The following NTM variants were observed in gnomAD, a reference collection of about 807,000 sequenced individuals.
NTM encodes neurotrimin, also known as IgLON family member 2.
NTM carries 13 observed loss-of-function variants against 42.1 expected under a neutral mutation model. The ratio of observed to expected loss-of-function variants is 0.31; its 90% CI spans 0.20 to 0.49. NTM has a LOEUF of 0.49. Ranked by LOEUF, NTM falls within the 20% of genes least tolerant of loss-of-function variation. The probability of loss-of-function intolerance (pLI) is 0.99; values close to 1 mark genes in which losing one functional copy is unlikely to be tolerated. For missense variants in NTM, 373 were observed against 452.8 expected (o/e 0.82, Z 1.60); for synonymous variants, 187 against 179.2 (o/e 1.04, Z -0.35).
intron 1 of NTM, among the ~76,000 whole-genome samples, chr11:131,600,471 C>T (rs762544225): frequency 2.3e-4 from 35 of 152,282 alleles, no homozygotes; most frequent in South Asian, 4.1e-4. Context: ...TTCCATTTAG[C>T]AGCAATGGGC....
At chr11:131,454,909 G>A (rs1343733007) in intron 1 of NTM, among the ~76,000 whole-genome samples, 1 of 152,096 alleles carries the variant, frequency 6.6e-6, no homozygotes, top group Non-Finnish European at 1.5e-5. Flanking sequence ...GCCCTGAAAT[G>A]TGCCTCCAGC....
At position 131,869,995 on chromosome 11, in the gene NTM, G is replaced by A. The variant is rs77549819; in HGVS notation, c.83-41569G>A. On this transcript the variant is annotated intron_variant, in intron 1 of 8. Transcript: ENST00000683400. ...CACACCTCAGCTGTACAGAGCAGACGCTAATTTTACAAGATGGAAAACAGA... is the reference window on the plus strand; with the variant it reads ...CACACCTCAGCTGTACAGAGCAGACACTAATTTTACAAGATGGAAAACAGA... Among the ~76,000 whole-genome samples the A allele has an allele frequency of 9.9e-3, 1,510 of 152,278 alleles. 24 individuals carry two copies. The highest frequency in any genetic ancestry group is 0.035 in the African/African-American group (1,436 of 41,552).
chr11:131,951,343 C>T (rs1160616542), intron 2 of NTM, among the ~76,000 whole-genome samples: 1 of 152,166 alleles, frequency 6.6e-6, no homozygotes, highest in African/African-American at 2.4e-5. Context: ...TAGCCTAATT[C>T]CATCCTCTAC....
intron 3 of NTM, among the ~76,000 whole-genome samples, chr11:132,177,751 C>A (rs918958377): frequency 5.3e-5 from 8 of 152,180 alleles, no homozygotes; most frequent in Non-Finnish European, 8.8e-5. Flanking sequence ...GGCAATGAAG[C>A]CCCAATGGGG....
intron 1 of NTM, among the ~76,000 whole-genome samples, chr11:131,849,943 T>C (rs1002584268): frequency 7.4e-5 from 11 of 147,676 alleles, no homozygotes; most frequent in Admixed American, 4.8e-4. Context: ...GCACTTTGTG[T>C]ACATGTACCC....
At chr11:131,941,981 TCC>T (rs1326888441) in intron 2 of NTM, among the ~76,000 whole-genome samples, 2 of 152,208 alleles carry the variant, frequency 1.3e-5, no homozygotes, top group African/African-American at 4.8e-5. Flanking sequence ...TTTGCTTGCT[TCC>T]TTTTCCTCTT....
intron 1 of NTM, among the ~76,000 whole-genome samples, chr11:131,627,226 TA>T (rs199504206): frequency 0.011 from 1,681 of 151,252 alleles, 47 homozygotes; most frequent in African/African-American, 0.037. Context: ...TTTATTTATT[TA>T]TTTTTTTTGT....
chr11:131,400,839 G>C (rs1370659012), intron 1 of NTM, among the ~76,000 whole-genome samples: 1 of 152,110 alleles, frequency 6.6e-6, no homozygotes, highest in Non-Finnish European at 1.5e-5. Flanking sequence ...GTTATCATTT[G>C]ATCACTCTCC....
intron 8 of NTM, among the ~76,000 whole-genome samples, chr11:132,334,273 G>A (rs941591421): frequency 6.6e-6 from 1 of 152,204 alleles, no homozygotes; most frequent in Admixed American, 6.5e-5. Flanking sequence ...CCTGCCTCCT[G>A]TGTTTGTCTC....
At chr11:131,867,284 A>C (rs548449069) in intron 1 of NTM, among the ~76,000 whole-genome samples, 1 of 152,302 alleles carries the variant, frequency 6.6e-6, no homozygotes, top group Non-Finnish European at 1.5e-5. Context: ...AAGGATCCGC[A>C]AAGGCTGGAG....
intron 4 of NTM, among the ~76,000 whole-genome samples, chr11:132,235,352 G>A (rs1158437326): frequency 6.6e-6 from 1 of 152,128 alleles, no homozygotes; most frequent in Non-Finnish European, 1.5e-5. Flanking sequence ...GTGTGCATGT[G>A]TGTGAGCGTG....
intron 1 of NTM, among the ~76,000 whole-genome samples, chr11:131,573,089 C>G (rs945063956): frequency 3.9e-5 from 6 of 152,144 alleles, no homozygotes. Flanking sequence ...CCTGGAGAAT[C>G]CCTAAACAAG....
chr11:131,910,473 G>A (rs2054591547), intron 1 of NTM, among the ~76,000 whole-genome samples: 1 of 151,366 alleles, frequency 6.6e-6, no homozygotes, highest in African/African-American at 2.4e-5. Context: ...CGCGCCCCGC[G>A]CCCCGCGCCC....
chr11:131,861,578 G>A (rs911093543), intron 1 of NTM, among the ~76,000 whole-genome samples: 1 of 152,122 alleles, frequency 6.6e-6, no homozygotes, highest in Non-Finnish European at 1.5e-5. Context: ...TGCTTTAATA[G>A]CATTTAAGCC....
intron 2 of NTM, among the ~76,000 whole-genome samples, chr11:132,082,852 C>T (rs576130292): frequency 9.2e-5 from 14 of 152,084 alleles, no homozygotes; most frequent in Admixed American, 3.3e-4. Context: ...AAGGACAAAC[C>T]GGGTTATTAG....
At chr11:131,736,236 G>GGT in intron 1 of NTM, among the ~76,000 whole-genome samples, 1 of 152,236 alleles carries the variant, frequency 6.6e-6, no homozygotes, top group East Asian at 1.9e-4. Flanking sequence ...GCTAGTACTA[G>GGT]AATCCAGTGT....
chr11:131,896,479 T>C (rs1481763303), intron 1 of NTM, among the ~76,000 whole-genome samples: 1 of 152,192 alleles, frequency 6.6e-6, no homozygotes, highest in African/African-American at 2.4e-5. Flanking sequence ...GTAGAATTAA[T>C]TGATGACTCA....
At chr11:132,239,767 G>C in intron 4 of NTM, among the ~76,000 whole-genome samples, 1 of 152,120 alleles carries the variant, frequency 6.6e-6, no homozygotes, top group Non-Finnish European at 1.5e-5. Context: ...TGTGTGATGT[G>C]TTTCATCCTC....
chr11:131,990,789 C>T (rs1423213811), intron 2 of NTM, among the ~76,000 whole-genome samples: 1 of 152,186 alleles, frequency 6.6e-6, no homozygotes, highest in Non-Finnish European at 1.5e-5. Context: ...TTTGTCTGAG[C>T]TAGCAAAGGA....
Sources: allele counts gnomAD v4.1 joint callset (sites outside exome capture counted in the v4.1 genomes callset), GRCh38; gene constraint gnomAD v4.1.1; transcripts MANE v1.5; gene names NCBI Gene and HGNC (gene_info 2026-07-23, HGNC 2026-07-21).